FAT3: variants seen among roughly 807,000 people sequenced by gnomAD.
FAT3 encodes the protein protocadherin Fat 3.
In FAT3, 95 loss-of-function variants were observed where a neutral mutation model predicts 310.2. That is an observed-to-expected ratio of 0.31 (90% confidence interval 0.26 to 0.36). FAT3 has a LOEUF of 0.36. Ranked by LOEUF, FAT3 falls within the 10% of genes least tolerant of loss-of-function variation. The pLI is 1.00. For missense variants in FAT3, 5,408 were observed against 5,715.6 expected, an observed-to-expected ratio of 0.95 and a Z score of 1.74; for synonymous variants, 2,314 against 2,192.9, an observed-to-expected ratio of 1.06 and a Z score of -1.54.
intron 27 of FAT3, among the ~76,000 whole-genome samples, 174 bp downstream of exon 27, chr11:92,890,065 C>A (rs1001038214): frequency 6.6e-6 from 1 of 152,206 alleles, no homozygotes; most frequent in Non-Finnish European, 1.5e-5. Context: ...CTAGCCTCAT[C>A]CTCTGTGCGT....
At chr11:92,429,251 T>C (rs1158837718) in intron 2 of FAT3, among the ~76,000 whole-genome samples, 2 of 152,172 alleles carry the variant, frequency 1.3e-5, no homozygotes, top group Non-Finnish European at 2.9e-5. Context: ...CATCCATCCC[T>C]TTATTTTGAG....
intron 25 of FAT3, among the ~76,000 whole-genome samples, chr11:92,887,786 G>C (rs1263934891): frequency 3.3e-5 from 5 of 152,128 alleles, no homozygotes; most frequent in Admixed American, 3.3e-4. Flanking sequence ...TGAGGAACCA[G>C]CTTCGGAGGA....
chr11:92,611,848 G>A (rs1426408798), intron 3 of FAT3, among the ~76,000 whole-genome samples: 1 of 152,184 alleles, frequency 6.6e-6, no homozygotes, highest in East Asian at 1.9e-4. Context: ...AAAGAAGAAT[G>A]GAGAAGTTAG....
At chr11:92,250,378 T>C (rs12293797) in intron 1 of FAT3, among the ~76,000 whole-genome samples, 4,910 of 152,218 alleles carry the variant, frequency 0.032, 285 homozygotes, top group African/African-American at 0.11. Context: ...GCATTTTTAT[T>C]ATAATATAAA....
At chr11:92,284,175 C>T (rs974538418) in intron 1 of FAT3, among the ~76,000 whole-genome samples, 3 of 151,670 alleles carry the variant, frequency 2.0e-5, no homozygotes, top group African/African-American at 7.3e-5. Context: ...TAGGAGGAGA[C>T]ATTTGAGCTG....
At chr11:92,334,163 C>G (rs1947994037) in intron 1 of FAT3, among the ~76,000 whole-genome samples, 1 of 152,032 alleles carries the variant, frequency 6.6e-6, no homozygotes, top group African/African-American at 2.4e-5. Context: ...ATTGCTTGAG[C>G]CCAGGAGTTT....
chr11:92,687,327 A>G (rs1943662362), intron 3 of FAT3, among the ~76,000 whole-genome samples: 1 of 152,208 alleles, frequency 6.6e-6, no homozygotes, highest in South Asian at 2.1e-4. Context: ...CAGCTAAAAA[A>G]TAGCAGAGCC....
rs143658306 is a variant in FAT3 at position 92,652,933 on chromosome 11, C to T, written c.3608-44451C>T. On this transcript the variant is annotated intron_variant, in intron 3 of 27. Transcript: ENST00000525166. ...ATCCCAGCAGTTTGGGAAGCCGAGG[C>T]GGGTAGATCACCTGAGGTCAGGAGT... Among the ~76,000 whole-genome samples the T allele has an allele frequency of 1.5e-3, 228 of 152,210 alleles. 2 individuals are homozygous for T. The East Asian group carries it at 0.026, about 18-fold the overall frequency.
intron 1 of FAT3, among the ~76,000 whole-genome samples, chr11:92,259,573 A>T (rs564029964): frequency 9.4e-5 from 7 of 74,766 alleles, no homozygotes; most frequent in Non-Finnish European, 1.7e-4. Context: ...AAAAATAAAT[A>T]AAAAAAGGAG....
At chr11:92,502,283 T>A (rs568743462) in intron 2 of FAT3, among the ~76,000 whole-genome samples, 1 of 152,124 alleles carries the variant, frequency 6.6e-6, no homozygotes, top group Non-Finnish European at 1.5e-5. Flanking sequence ...GAGGATAGGG[T>A]AGTTTGTTCC....
chr11:92,867,611 A>G (rs776020100), intron 22 of FAT3, among the ~76,000 whole-genome samples: 1 of 152,202 alleles, frequency 6.6e-6, no homozygotes, highest in Non-Finnish European at 1.5e-5. Flanking sequence ...GCCCATGCAC[A>G]TGAAATTGCT....
At chr11:92,284,620 A>G (rs1041287081) in intron 1 of FAT3, among the ~76,000 whole-genome samples, 1 of 152,000 alleles carries the variant, frequency 6.6e-6, no homozygotes, top group African/African-American at 2.4e-5. Context: ...TCATTTGTCA[A>G]CCTTAGGGCA....
At chr11:92,805,030 A>G in intron 10 of FAT3, 123 bp from the exon 11 acceptor site, 1 of 838,428 alleles carries the variant, frequency 1.2e-6, no homozygotes, top group Non-Finnish European at 1.7e-6. Flanking sequence ...GTATCTTTGT[A>G]GTATCCTAAA....
chr11:92,815,053 C>T (rs1393777685), intron 13 of FAT3, among the ~76,000 whole-genome samples: 1 of 152,034 alleles, frequency 6.6e-6, no homozygotes, highest in Admixed American at 6.6e-5. Context: ...TAGACCGGGC[C>T]TGATTGTGGT....
At chr11:92,769,225 G>A (rs1040115793) in intron 6 of FAT3, among the ~76,000 whole-genome samples, 4 of 152,184 alleles carry the variant, frequency 2.6e-5, no homozygotes, top group Admixed American at 6.5e-5. Context: ...TCCAGAAACA[G>A]AAGCCCTACT....
chr11:92,801,222 A>G lies in FAT3; in HGVS notation c.8209A>G (p.Asn2737Asp). The G allele has an allele frequency of 6.2e-7, 1 of 1,613,916 alleles. No homozygotes were observed. The highest frequency in any genetic ancestry group is 8.5e-7 in the Non-Finnish European group (1 of 1,179,866). The change falls in exon 10 of 28, where the codon AAT becomes GAT. Residue 2737 changes from asparagine (N) to aspartate (D), a missense_variant. Physicochemically the swap from Asn to Asp is conservative, Grantham distance 23 (BLOSUM62 1). Coordinates refer to ENST00000525166, the MANE Select transcript of FAT3 (RefSeq NM_001367949.2). Reference sequence around the variant, plus strand: ...CACCCTGAGGATTTTGCCCAGTCAGAATGTCTGGTTCAGCACAGTTAATGG... The same window carrying G: ...CACCCTGAGGATTTTGCCCAGTCAGGATGTCTGGTTCAGCACAGTTAATGG... ...VDTLRILPSQ[N>D]VWFSTVNGER...
chr11:92,348,107 C>G (rs2134611459), intron 1 of FAT3, among the ~76,000 whole-genome samples: 1 of 151,008 alleles, frequency 6.6e-6, no homozygotes, highest in East Asian at 1.9e-4. Flanking sequence ...AACTGCAAGG[C>G]TTTTTAAAAT....
Position 92,891,188 on chromosome 11 carries a change from G to A in FAT3, c.*75G>A, listed in dbSNP as rs1181876385. 4 of 1,546,150 alleles carry A rather than the reference G, an allele frequency of 2.6e-6. No individual in the cohort carries two copies. The highest frequency in any genetic ancestry group is 3.5e-6 in the Non-Finnish European group (4 of 1,142,236). ...AGATTGGCTGGGCTTCTGTCCCAGT[G>A]GAGCATTGTCTGTGGAATGAGAAGG... On this transcript the variant is annotated 3_prime_UTR_variant, in exon 28 of 28. Coordinates refer to ENST00000525166, the MANE Select transcript of FAT3 (RefSeq NM_001367949.2).
intron 3 of FAT3, among the ~76,000 whole-genome samples, chr11:92,612,693 A>G (rs757263031): frequency 1.3e-5 from 2 of 152,202 alleles, no homozygotes; most frequent in Non-Finnish European, 2.9e-5. Context: ...ACTGCAACAT[A>G]TAATTAAATA....
Sources: gnomAD v4.1 joint callset for allele counts (sites outside exome capture counted in the v4.1 genomes callset) on GRCh38, gnomAD v4.1.1 for gene constraint, MANE v1.5 for transcripts, NCBI Gene and HGNC (gene_info 2026-07-23, HGNC 2026-07-21) for gene names.